BRCA2: variants seen among roughly 807,000 people sequenced by gnomAD.
The protein encoded by BRCA2 is breast cancer type 2 susceptibility protein.
A neutral mutation model predicts 276.7 loss-of-function variants in BRCA2; 203 were observed. That is an observed-to-expected ratio of 0.73 (90% CI 0.65 to 0.82). BRCA2 has a LOEUF of 0.82. BRCA2 is among the 40% of genes least tolerant of loss of function. The pLI, the probability that BRCA2 is intolerant of heterozygous loss-of-function variation, is 0.00. For missense variants in BRCA2, 3,920 were observed against 3,915.0 expected, an observed-to-expected ratio of 1.00 and a Z score of -0.03; for synonymous variants, 1,289 against 1,338.4, an observed-to-expected ratio of 0.96 and a Z score of 0.81.
chr13:32,371,671 A>G (rs1465647413), intron 20 of BRCA2, among the ~76,000 whole-genome samples: 1 of 152,084 alleles, frequency 6.6e-6, no homozygotes, highest in African/African-American at 2.4e-5. Context: ...TAAAATTATC[A>G]CTAGATCATA....
At chr13:32,388,067 C>T (rs766538291) in intron 24 of BRCA2, among the ~76,000 whole-genome samples, 1 of 151,700 alleles carries the variant, frequency 6.6e-6, no homozygotes, top group Non-Finnish European at 1.5e-5. Flanking sequence ...TGTCTCCGCA[C>T]ACGAGAACAC....
At chr13:32,358,925 C>A (rs1240819145) in intron 16 of BRCA2, among the ~76,000 whole-genome samples, 1 of 149,616 alleles carries the variant, frequency 6.7e-6, no homozygotes, top group Non-Finnish European at 1.5e-5. Context: ...CAGAGCAAGA[C>A]CCTATTTCAA....
intron 11 of BRCA2, among the ~76,000 whole-genome samples, chr13:32,341,768 T>C (rs2072572792): frequency 6.6e-6 from 1 of 150,410 alleles, no homozygotes; most frequent in Non-Finnish European, 1.5e-5. Flanking sequence ...CTTGGGAGGC[T>C]GAGGCAGGAG....
chr13:32,322,566 G>A (rs1024389303), intron 3 of BRCA2, among the ~76,000 whole-genome samples: 9 of 152,196 alleles, frequency 5.9e-5, no homozygotes, highest in Admixed American at 2.0e-4. Context: ...GTTTAAGAAC[G>A]CCTTTAAGCG....
At position 32,364,036 on chromosome 13, in the gene BRCA2, A is replaced by C. The variant is rs11571722; in HGVS notation, c.8331+503A>C. 0.041 allele frequency among the ~76,000 whole-genome samples: 6,176 copies of C among 152,314 alleles called. 215 individuals are homozygous for C. Among genetic ancestry groups the C allele is most frequent in the South Asian group, 0.11 (552 of 4,824 alleles). ...TAAGAGGTAACCTTGCAGAGAATTT[A>C]CTTCTGTGGTATTCTGGATCACTCT... On this transcript the variant is annotated intron_variant, in intron 18 of 26. Transcript: ENST00000380152.
At chr13:32,327,809 C>T (rs1473061103) in intron 7 of BRCA2, among the ~76,000 whole-genome samples, 1 of 150,144 alleles carries the variant, frequency 6.7e-6, no homozygotes, top group Admixed American at 6.6e-5. Context: ...TTCTCTGTTG[C>T]CCAGGCTGGA....
rs1555282154 is a variant in BRCA2, at chr13:32,333,383, T to G, written c.1905T>G (p.Asp635Glu). 1 of 1,610,194 alleles carries G rather than the reference T, an allele frequency of 6.2e-7. No homozygotes were observed. Among genetic ancestry groups the G allele is most frequent in the Non-Finnish European group, 8.5e-7 (1 of 1,179,304 alleles). The change falls in exon 10 of 27, where the codon GAT becomes GAG. Residue 635 changes from aspartate (D) to glutamate (E), a missense_variant. Asp to Glu is a conservative substitution (Grantham distance 45, BLOSUM62 2). Transcript: ENST00000380152. Reference protein sequence around the residue: ...FEAPLTFANADSGLLHSSVKR... With the variant: ...FEAPLTFANAESGLLHSSVKR... ...CACCACTTACATTTGCAAATGCTGA[T>G]TCAGGTACCTCTGTCTTTTTTTTTT... is the stretch of plus-strand genomic sequence containing the variant.
chr13:32,384,296 T>C (rs941289912), intron 24 of BRCA2, among the ~76,000 whole-genome samples: 13 of 152,100 alleles, frequency 8.5e-5, no homozygotes, highest in African/African-American at 2.9e-4. Flanking sequence ...TGAGAGCACC[T>C]GCAGGAAAGG....
intron 15 of BRCA2, 118 bp downstream of exon 15, chr13:32,356,727 A>ATTTC: frequency 8.1e-7 from 1 of 1,234,466 alleles, no homozygotes; most frequent in Non-Finnish European, 1.2e-6. Context: ...GGAATGGATG[A>ATTTC]ATGAAATCAT....
rs80359763 is a variant in BRCA2, at chr13:32,394,863, CTG to C, written c.9435_9436del (p.Ser3147CysfsTer2). ...CTTACTTTATTTGCTGGAGATTTTTCTGTGTTTTCTGCTAGTCCAAAAGAGGG... is the reference window on the plus strand; with the variant it reads ...CTTACTTTATTTGCTGGAGATTTTTCTGTTTTCTGCTAGTCCAAAAGAGGG... On this transcript the variant is annotated frameshift_variant, in exon 25 of 27. Transcript: ENST00000380152. LOFTEE classifies it high-confidence loss of function. 11 of 1,614,058 alleles carry C rather than the reference CTG, an allele frequency of 6.8e-6. No homozygotes were observed. The highest frequency in any genetic ancestry group is 9.3e-6 in the Non-Finnish European group (11 of 1,179,964).
chr13:32,356,047 C>T (rs1593919147), intron 14 of BRCA2, among the ~76,000 whole-genome samples: 1 of 141,266 alleles, frequency 7.1e-6, no homozygotes, highest in African/African-American at 2.6e-5. Flanking sequence ...AGGGCTTGCG[C>T]TTTTTTTTTT....
chr13:32,379,347 T>C lies in BRCA2; in HGVS notation c.8785T>C (p.Leu2929=), dbSNP rs2137619195. 6.2e-7 allele frequency: 1 copy of C among 1,613,818 alleles called. No homozygotes were observed. Among genetic ancestry groups the C allele is most frequent in the Non-Finnish European group, 8.5e-7 (1 of 1,179,854 alleles). Residue 2929 remains leucine (L), a synonymous_variant, in exon 22 of 27, where the codon TTG becomes CTG. Transcript: ENST00000380152. The part of the protein sequence containing the change: ...GYFSEEQLRA[L]NNHRQMLNDK... ...TTTCAGTGAAGAGCAGTTAAGAGCC[T>C]TGAATAATCACAGGCAAATGTTGAA...
Position 32,341,117 on chromosome 13 carries a change from T to C in BRCA2, c.6762T>C (p.Phe2254=). Residue 2254 remains phenylalanine, a synonymous_variant, in exon 11 of 27, where the codon TTT becomes TTC. Coordinates refer to ENST00000380152, the MANE Select transcript of BRCA2 (RefSeq NM_000059.4). ...CAAGTCATGCCACACATTCTCTTTT[T>C]ACATGTCCCGAAAATGAGGAAATGG... The part of the protein sequence containing the change: ...KLPSHATHSL[F]TCPENEEMVL... 6.2e-7 allele frequency: 1 copy of C among 1,613,998 alleles called. No individual in the cohort carries two copies. Among genetic ancestry groups the C allele is most frequent in the Non-Finnish European group, 8.5e-7 (1 of 1,179,928 alleles).
chr13:32,368,790 GTTTTTTTGTTT>G (rs2072805846), intron 18 of BRCA2, among the ~76,000 whole-genome samples: 3 of 112,554 alleles, frequency 2.7e-5, no homozygotes, highest in African/African-American at 7.0e-5. Context: ...TTTGTTTTTT[GTTTTTTTGTTT>G]TTTTTTTGGT....
At chr13:32,385,904 G>C (rs2072956791) in intron 24 of BRCA2, 1 of 160,204 alleles carries the variant, frequency 6.2e-6, no homozygotes, top group East Asian at 1.9e-4. Flanking sequence ...ATAGAAAAAG[G>C]CATAATTTTC....
chr13:32,362,837 C>A, intron 17 of BRCA2, 144 bp downstream of exon 17: 1 of 891,380 alleles, frequency 1.1e-6, no homozygotes, highest in Non-Finnish European at 1.8e-6. Flanking sequence ...TCCTGTCATC[C>A]CTAGCCCCCA....
chr13:32,348,431 T>C (rs1439999541), intron 13 of BRCA2, among the ~76,000 whole-genome samples: 1 of 152,060 alleles, frequency 6.6e-6, no homozygotes, highest in Non-Finnish European at 1.5e-5. Flanking sequence ...ACAGGAACCT[T>C]AAATTCATTA....
At chr13:32,359,731 A>C (rs2072726226) in intron 16 of BRCA2, among the ~76,000 whole-genome samples, 1 of 152,242 alleles carries the variant, frequency 6.6e-6, no homozygotes, top group Admixed American at 6.5e-5. Context: ...AAACGGTTGT[A>C]TTATTTTCTC....
Position 32,337,773 on chromosome 13 carries a change from A to C in BRCA2, c.3418A>C (p.Ser1140Arg). Residue 1140 changes from serine (S) to arginine (R), a missense_variant, in exon 11 of 27, where the codon AGT becomes CGT. This residue lies in a region of BRCA2 where 3,263 missense variants were observed against 3,156.9 expected (regional missense o/e 1.03). Transcript: ENST00000380152. Reference sequence around the variant, plus strand: ...AAAACCAAGCTACATATTGCAGAAGAGTACATTTGAAGTGCCTGAAAACCA... The same window carrying C: ...AAAACCAAGCTACATATTGCAGAAGCGTACATTTGAAGTGCCTGAAAACCA... ...FRKPSYILQK[S>R]TFEVPENQMT... 6.2e-7 allele frequency: 1 copy of C among 1,614,044 alleles called. No individual in the cohort carries two copies. The highest frequency in any genetic ancestry group is 8.5e-7 in the Non-Finnish European group (1 of 1,179,928).
Sources: gnomAD v4.1 joint callset for allele counts (sites outside exome capture counted in the v4.1 genomes callset) on GRCh38, gnomAD v4.1.1 for gene constraint, gnomAD v4.1.1 regional missense constraint, MANE v1.5 for transcripts, NCBI Gene and HGNC (gene_info 2026-07-23, HGNC 2026-07-21) for gene names.